CYP20A1: variants seen among roughly 807,000 people sequenced by gnomAD.
CYP20A1 encodes cytochrome P450 20A1.
Under a neutral mutation model 61.4 loss-of-function variants are expected in CYP20A1, and 61 were observed. The observed-to-expected ratio is 0.99, with a 90% confidence interval of 0.81 to 1.23. CYP20A1 has a LOEUF of 1.23. Among genes scored for constraint, CYP20A1 ranks in the 50% most tolerant of loss-of-function variants. The probability of loss-of-function intolerance (pLI) is 0.00; values close to 1 mark genes in which losing one functional copy is unlikely to be tolerated. For synonymous variants in CYP20A1, 193 were observed against 188.2 expected (o/e 1.03, Z -0.21); for missense variants, 530 against 542.4 (o/e 0.98, Z 0.23).
At chr2:203,269,455 C>T (rs2152078806) in intron 5 of CYP20A1, among the ~76,000 whole-genome samples, 1 of 151,230 alleles carries the variant, frequency 6.6e-6, no homozygotes, top group East Asian at 2.0e-4. Flanking sequence ...TTTGCCTATC[C>T]AGTAAGCCAA....
rs1033170919 is a variant in CYP20A1 at position 203,300,753 on chromosome 2, A to G, written c.*3845A>G. 2.0e-5 allele frequency among the ~76,000 whole-genome samples: 3 copies of G among 150,512 alleles called. No homozygotes were observed. Among genetic ancestry groups the G allele is most frequent in the Non-Finnish European group, 3.0e-5 (2 of 67,698 alleles). ...AAAAATACAAAATTAGCCGGGCATG[A>G]TGGAGCATCCCTGTAATCCTAGCTA... On this transcript the variant is annotated 3_prime_UTR_variant, in exon 13 of 13. Coordinates refer to ENST00000356079, the MANE Select transcript of CYP20A1 (RefSeq NM_177538.3).
At chr2:203,249,879 G>C (rs772597616) in intron 3 of CYP20A1, among the ~76,000 whole-genome samples, 2 of 152,008 alleles carry the variant, frequency 1.3e-5, no homozygotes, top group Non-Finnish European at 2.9e-5. Context: ...AGAAAAATGG[G>C]CAAAAACAAG....
In CYP20A1 at chr2:203,266,551, C is replaced by CAG; in HGVS notation, c.474_475dup (p.Thr159ArgfsTer16). The CAG allele has an allele frequency of 1.2e-6, 2 of 1,614,024 alleles. No homozygotes were observed. Among genetic ancestry groups the CAG allele is most frequent in the Non-Finnish European group, 1.7e-6 (2 of 1,179,924 alleles). On this transcript the variant is annotated frameshift_variant, in exon 5 of 13. Transcript: ENST00000356079. LOFTEE classifies it high-confidence loss of function. ...TTATTAGATAAATGGCTCTCCTACC[C>CAG]AGAGACCCAGCACGTGCCCCTCAGC...
chr2:203,245,096 G>C (rs1434136779), intron 1 of CYP20A1, among the ~76,000 whole-genome samples: 1 of 145,766 alleles, frequency 6.9e-6, no homozygotes, highest in South Asian at 2.2e-4. Flanking sequence ...GTAGCACGAT[G>C]TTGGCTCAGT....
At chr2:203,239,239 A>C in intron 1 of CYP20A1, 105 bp downstream of exon 1, 1 of 979,410 alleles carries the variant, frequency 1.0e-6, no homozygotes, top group Admixed American at 2.0e-5. Context: ...GGCGGGCCTG[A>C]GAGGAGGGTT....
Position 203,296,570 on chromosome 2 carries a change from A to C in CYP20A1, c.1238+7A>C. 1 of 1,598,010 alleles carries C rather than the reference A, an allele frequency of 6.3e-7. No homozygotes were observed. The highest frequency in any genetic ancestry group is 8.6e-7 in the Non-Finnish European group (1 of 1,168,300). On this transcript the variant is annotated splice_region_variant and intron_variant, in intron 12 of 12. Coordinates refer to ENST00000356079, the MANE Select transcript of CYP20A1 (RefSeq NM_177538.3). ...AGGAGTGTCCAGAGTTGAGGTGAATAATAGAATGCCAGACTCTGTTCTTAG... is the reference window on the plus strand; with the variant it reads ...AGGAGTGTCCAGAGTTGAGGTGAATCATAGAATGCCAGACTCTGTTCTTAG...
rs968534042 is a variant in CYP20A1 at position 203,302,936 on chromosome 2, C to T, written c.*6028C>T. Among the ~76,000 whole-genome samples, 2 of 151,930 alleles carry T rather than the reference C, an allele frequency of 1.3e-5. No homozygotes were observed. The highest frequency in any genetic ancestry group is 4.8e-5 in the African/African-American group (2 of 41,360). On this transcript the variant is annotated 3_prime_UTR_variant, in exon 13 of 13. Coordinates refer to ENST00000356079, the MANE Select transcript of CYP20A1 (RefSeq NM_177538.3). ...CTGAACTCTTGACCTTGTGATCTGC[C>T]CAACTCAGCCTCCCAGAGTGCTGGG...
chr2:203,271,178 C>G (rs553921315), intron 5 of CYP20A1, among the ~76,000 whole-genome samples: 6 of 145,880 alleles, frequency 4.1e-5, no homozygotes, highest in Non-Finnish European at 9.0e-5. Context: ...AGCTCCGCCT[C>G]CCGGGTTCAC....
At chr2:203,289,700 A>G in intron 9 of CYP20A1, 65 bp from the exon 10 acceptor site, 1 of 771,778 alleles carries the variant, frequency 1.3e-6, no homozygotes. Flanking sequence ...ACGTTTTTTA[A>G]ATGTATGTAC....
At chr2:203,286,445 T>TTCAA (rs2068275525) in intron 9 of CYP20A1, among the ~76,000 whole-genome samples, 1 of 14,974 alleles carries the variant, frequency 6.7e-5, no homozygotes, top group Non-Finnish European at 3.0e-4. Flanking sequence ...TTGGAAGTAG[T>TTCAA]TCAAATGTTC....
In CYP20A1 at chr2:203,299,560, T is replaced by A. The variant is rs929486238; in HGVS notation, c.*2652T>A. ...CAGTCTGTATTTTTGAAAAAAAAAATTTTTTTTGGAATAACTTAAATTCTA... is the reference window on the plus strand; with the variant it reads ...CAGTCTGTATTTTTGAAAAAAAAAAATTTTTTTGGAATAACTTAAATTCTA... On this transcript the variant is annotated 3_prime_UTR_variant, in exon 13 of 13. Transcript: ENST00000356079. Among the ~76,000 whole-genome samples, 14 of 151,776 alleles carry A rather than the reference T, an allele frequency of 9.2e-5. No homozygotes were observed. The highest frequency in any genetic ancestry group is 8.4e-4 in the South Asian group (4 of 4,788).
rs767878840 is a variant in CYP20A1 at position 203,272,647 on chromosome 2, T to A, written c.601-23T>A. On this transcript the variant is annotated intron_variant, in intron 5 of 12. Coordinates refer to ENST00000356079, the MANE Select transcript of CYP20A1 (RefSeq NM_177538.3). ...AAAATTCTACCTATTAGATAATAGT[T>A]ATGTATATTTACCTATTTTCAGGTT... 3.3e-6 allele frequency: 5 copies of A among 1,522,700 alleles called. No homozygotes were observed. In the African/African-American group the frequency reaches 5.6e-5, roughly 17 times the overall value. 94.3% of individuals were successfully genotyped at this position (1,522,700 alleles called of 1,614,324 possible).
intron 6 of CYP20A1, among the ~76,000 whole-genome samples, chr2:203,278,042 G>A (rs572663422): frequency 2.0e-5 from 3 of 152,198 alleles, no homozygotes; most frequent in South Asian, 2.1e-4. Flanking sequence ...TTAAGAGGCC[G>A]AGGCGGATGG....
At position 203,275,533 on chromosome 2, in the gene CYP20A1, G is replaced by A. The variant is rs556404089; in HGVS notation, c.679+2785G>A. Among the ~76,000 whole-genome samples the A allele has an allele frequency of 5.5e-4, 83 of 151,638 alleles. 1 individual carries two copies. Among genetic ancestry groups the A allele is most frequent in the Non-Finnish European group, 8.8e-4 (60 of 67,946 alleles). ...CAGCTCACTGCAACCTCTGCCTCCC[G>A]GGTTCAAACGATTCTCGGGCCTCAG... On this transcript the variant is annotated intron_variant, in intron 6 of 12. Coordinates refer to ENST00000356079, the MANE Select transcript of CYP20A1 (RefSeq NM_177538.3).
At position 203,303,689 on chromosome 2, in the gene CYP20A1, G is replaced by A. The variant is rs181426127; in HGVS notation, c.*6781G>A. Among the ~76,000 whole-genome samples the A allele has an allele frequency of 1.6e-4, 24 of 151,668 alleles. No individual in the cohort carries two copies. Among genetic ancestry groups the A allele is most frequent in the Admixed American group, 5.3e-4 (8 of 15,196 alleles). On this transcript the variant is annotated 3_prime_UTR_variant, in exon 13 of 13. Transcript: ENST00000356079. ...CAGTGTGGGTGACGAGCGAAAATCCGTCTCAACCAAGAAAAAAGAAAAAAA... is the reference window on the plus strand; with the variant it reads ...CAGTGTGGGTGACGAGCGAAAATCCATCTCAACCAAGAAAAAAGAAAAAAA...
At chr2:203,267,812 C>G (rs1301389933) in intron 5 of CYP20A1, among the ~76,000 whole-genome samples, 2 of 150,976 alleles carry the variant, frequency 1.3e-5, no homozygotes, top group Admixed American at 6.6e-5. Context: ...CACTGGCACT[C>G]CAGCCTGGGC....
At chr2:203,272,525 A>C in intron 5 of CYP20A1, 145 bp from the exon 6 acceptor site, 1 of 394,368 alleles carries the variant, frequency 2.5e-6, no homozygotes, top group Non-Finnish European at 4.2e-6. Context: ...ACTCTAGCCT[A>C]GGTGACAGAG....
chr2:203,252,865 C>G (rs966242307), intron 4 of CYP20A1, among the ~76,000 whole-genome samples: 1 of 152,082 alleles, frequency 6.6e-6, no homozygotes, highest in Non-Finnish European at 1.5e-5. Context: ...TTAGGGCCCT[C>G]CATTCACACA....
chr2:203,277,074 C>T (rs1201139865), intron 6 of CYP20A1, among the ~76,000 whole-genome samples: 37 of 152,092 alleles, frequency 2.4e-4, no homozygotes, highest in Admixed American at 2.4e-3. Flanking sequence ...CTTGGCCGGG[C>T]GTGGTGGCTC....
Sources: allele counts gnomAD v4.1 joint callset (sites outside exome capture counted in the v4.1 genomes callset), GRCh38; gene constraint gnomAD v4.1.1; transcripts MANE v1.5; gene names NCBI Gene and HGNC (gene_info 2026-07-23, HGNC 2026-07-21).